EFCAB5: variants seen among roughly 807,000 people sequenced by gnomAD.
EFCAB5 encodes EF-hand calcium binding domain 5.
Under a neutral mutation model 167.9 loss-of-function variants are expected in EFCAB5, and 131 were observed. That is an observed-to-expected ratio of 0.78 (90% CI 0.68 to 0.90). EFCAB5 has a LOEUF of 0.90. Ranked by LOEUF, EFCAB5 falls within the 40% of genes least tolerant of loss-of-function variation. The probability of loss-of-function intolerance (pLI) is 0.00; values close to 1 mark genes in which losing one functional copy is unlikely to be tolerated. For synonymous variants in EFCAB5, 574 were observed against 602.8 expected, an observed-to-expected ratio of 0.95 and a Z score of 0.70; for missense variants, 1,663 against 1,745.2, an observed-to-expected ratio of 0.95 and a Z score of 0.84.
chr17:29,967,262 G>A (rs74677442), intron 3 of EFCAB5, among the ~76,000 whole-genome samples: 6,681 of 152,238 alleles, frequency 0.044, 189 homozygotes, highest in Admixed American at 0.057. Flanking sequence ...TAGAGTTACT[G>A]TTTTCTATAG....
Position 30,034,372 on chromosome 17 carries a change from G to C in EFCAB5, c.1187G>C (p.Cys396Ser). 1 of 1,600,308 alleles carries C rather than the reference G, an allele frequency of 6.2e-7. No individual in the cohort carries two copies. The highest frequency in any genetic ancestry group is 2.2e-5 in the East Asian group (1 of 44,664). ...RQMFAELFLH[C>S]DHGKVGFLDR... Reference sequence around the variant, plus strand: ...ATGTTCGCTGAACTCTTCCTACATTGTGACCACGGGAAGGTGGGTTAAGAC... The same window carrying C: ...ATGTTCGCTGAACTCTTCCTACATTCTGACCACGGGAAGGTGGGTTAAGAC... Residue 396 changes from cysteine (C) to serine (S), a missense_variant, in exon 8 of 23, where the codon TGT becomes TCT. Coordinates refer to ENST00000394835, the MANE Select transcript of EFCAB5 (RefSeq NM_198529.4).
upstream of EFCAB5, among the ~76,000 whole-genome samples, chr17:29,940,512 G>C (rs1365505874): frequency 6.6e-6 from 1 of 152,152 alleles, no homozygotes; most frequent in Non-Finnish European, 1.5e-5. Flanking sequence ...GATTTTAAAA[G>C]AAATGGAAGG....
chr17:30,006,031 C>T (rs182963954), intron 7 of EFCAB5, among the ~76,000 whole-genome samples: 3 of 152,220 alleles, frequency 2.0e-5, no homozygotes, highest in Non-Finnish European at 4.4e-5. Context: ...GCCTAACCAA[C>T]GTATACCTTC....
In EFCAB5 at chr17:30,053,975, GA is replaced by G. The variant is rs1401923257; in HGVS notation, c.2025del (p.Asp676IlefsTer4). 1 of 1,613,642 alleles carries G rather than the reference GA, an allele frequency of 6.2e-7. No individual in the cohort carries two copies. The highest frequency in any genetic ancestry group is 8.5e-7 in the Non-Finnish European group (1 of 1,179,712). ...QEDIGSTSQSRKDSILKSTKY... is the reference protein window; with the variant it reads ...QEDIGSTSQSXKDSILKSTKY... ...GACATAGGCTCAACTTCACAATCAAGAAAAGATAGTATCTTAAAAAGTACAA... is the reference window on the plus strand; with the variant it reads ...GACATAGGCTCAACTTCACAATCAAGAAAGATAGTATCTTAAAAAGTACAA... On this transcript the variant is annotated frameshift_variant, in exon 10 of 23. Coordinates refer to ENST00000394835, the MANE Select transcript of EFCAB5 (RefSeq NM_198529.4). LOFTEE classifies it high-confidence loss of function.
chr17:29,935,125 CAG>C (rs2067234553), intron 1 of EFCAB5, among the ~76,000 whole-genome samples: 1 of 152,042 alleles, frequency 6.6e-6, no homozygotes, highest in African/African-American at 2.4e-5. Flanking sequence ...TAATATAGCA[CAG>C]ATATATAAGA....
At chr17:30,028,922 T>C (rs1428737677) in intron 7 of EFCAB5, among the ~76,000 whole-genome samples, 2 of 152,198 alleles carry the variant, frequency 1.3e-5, no homozygotes, top group African/African-American at 4.8e-5. Flanking sequence ...GACCTCATTT[T>C]AATTTAATTA....
chr17:30,052,548 T>G (rs762827590), intron 9 of EFCAB5, among the ~76,000 whole-genome samples: 17 of 152,252 alleles, frequency 1.1e-4, no homozygotes, highest in Non-Finnish European at 2.1e-4. Context: ...TTGGAGTATT[T>G]CTGAAAATTG....
intron 14 of EFCAB5, among the ~76,000 whole-genome samples, chr17:30,071,096 A>T: frequency 6.6e-6 from 1 of 151,288 alleles, no homozygotes; most frequent in East Asian, 1.9e-4. Context: ...TATGGGGAAG[A>T]CCTCAAAAGC....
intron 7 of EFCAB5, among the ~76,000 whole-genome samples, chr17:30,013,346 T>C (rs1297458292): frequency 6.6e-6 from 1 of 152,218 alleles, no homozygotes; most frequent in East Asian, 1.9e-4. Flanking sequence ...TCCCTCTTTT[T>C]CTATTGATTG....
rs1392349243 is a variant in EFCAB5 at position 30,053,793 on chromosome 17, T to C, written c.1839T>C (p.Ile613=). 5 of 1,613,916 alleles carry C rather than the reference T, an allele frequency of 3.1e-6. No homozygotes were observed. The highest frequency in any genetic ancestry group is 4.2e-6 in the Non-Finnish European group (5 of 1,179,884). Residue 613 remains isoleucine (I), a synonymous_variant, in exon 10 of 23, where the codon ATT becomes ATC. Transcript: ENST00000394835. ...VAEQGSRRES[I]AEQDRHKGSV... ...AACAAGGGTCACGCAGAGAGTCTAT[T>C]GCAGAACAAGATCGACACAAAGGGT...
In EFCAB5 at chr17:29,974,786, G is replaced by C. The variant is rs2068031382; in HGVS notation, c.767+5419G>C. Among the ~76,000 whole-genome samples, 2 of 152,158 alleles carry C rather than the reference G, an allele frequency of 1.3e-5. 1 individual carries two copies. Among genetic ancestry groups the C allele is most frequent in the African/African-American group, 4.8e-5 (2 of 41,436 alleles). On this transcript the variant is annotated intron_variant, in intron 4 of 22. Transcript: ENST00000394835. ...GTGCAAAAGCAGTCATAGCATATAT[G>C]TAAATGAGAGAGCATGGCTGTGTTC...
At chr17:29,954,973 G>A (rs964486179) in intron 3 of EFCAB5, among the ~76,000 whole-genome samples, 5 of 152,178 alleles carry the variant, frequency 3.3e-5, no homozygotes, top group African/African-American at 9.7e-5. Context: ...CTTGCATGGA[G>A]CCTGTAGCCC....
chr17:29,930,197 G>T (rs901287928), intron 1 of EFCAB5: 4 of 572,818 alleles, frequency 7.0e-6, no homozygotes, highest in Non-Finnish European at 1.2e-5. Flanking sequence ...AACGGGCGGC[G>T]GGCGGGCGGT....
chr17:30,088,831 T>C (rs143821821), intron 19 of EFCAB5, among the ~76,000 whole-genome samples: 29 of 152,340 alleles, frequency 1.9e-4, no homozygotes, highest in Non-Finnish European at 4.0e-4. Context: ...CATGCCAGAA[T>C]GTTGGTTCAA....
chr17:30,058,791 C>A (rs1211090158), intron 13 of EFCAB5, among the ~76,000 whole-genome samples: 1 of 151,902 alleles, frequency 6.6e-6, no homozygotes, highest in East Asian at 1.9e-4. Context: ...ATCTCTTGGG[C>A]TCAGGAATTT....
intron 14 of EFCAB5, among the ~76,000 whole-genome samples, chr17:30,063,023 T>A (rs997505283): frequency 6.6e-6 from 1 of 152,110 alleles, no homozygotes; most frequent in African/African-American, 2.4e-5. Flanking sequence ...CTGCTACACA[T>A]CCCAGTGCTG....
intron 7 of EFCAB5, among the ~76,000 whole-genome samples, chr17:30,029,348 C>T (rs759606121): frequency 8.5e-5 from 13 of 152,130 alleles, no homozygotes; most frequent in Non-Finnish European, 1.9e-4. Flanking sequence ...AGCCTACAGT[C>T]GCAAAATCAT....
At chr17:29,977,345 T>A (rs1597610462) in intron 4 of EFCAB5, among the ~76,000 whole-genome samples, 1 of 152,318 alleles carries the variant, frequency 6.6e-6, no homozygotes, top group Non-Finnish European at 1.5e-5. Flanking sequence ...TGATATTTTT[T>A]AAAATATAAA....
rs1354907700 is a variant in EFCAB5, at chr17:30,080,891, T to C, written c.3336T>C (p.Tyr1112=). The C allele has an allele frequency of 6.2e-6, 10 of 1,613,728 alleles. No homozygotes were observed. The highest frequency in any genetic ancestry group is 3.3e-5 in the Admixed American group (2 of 59,994). The change falls in exon 17 of 23, where the codon TAT becomes TAC. Residue 1112 remains tyrosine, a synonymous_variant. Coordinates refer to ENST00000394835, the MANE Select transcript of EFCAB5 (RefSeq NM_198529.4). ...TGGCTCTGCCTCTTCAAGATGCATA[T>C]ATGAGGATCTTTGGGGTCTTGGCTG... ...SFLALPLQDA[Y]MRIFGVLAVD...
Sources: allele counts gnomAD v4.1 joint callset (sites outside exome capture counted in the v4.1 genomes callset), GRCh38; gene constraint gnomAD v4.1.1; transcripts MANE v1.5; gene names NCBI Gene and HGNC (gene_info 2026-07-23, HGNC 2026-07-21).